The following ARSG variants were observed in gnomAD, a reference collection of about 807,000 sequenced individuals.
ARSG encodes arylsulfatase G.
A neutral mutation model predicts 50.5 loss-of-function variants in ARSG; 37 were observed. That is an observed-to-expected ratio of 0.73 (90% CI 0.56 to 0.96). ARSG has a LOEUF of 0.96. Ranked by LOEUF, ARSG falls within the 50% of genes least tolerant of loss-of-function variation. The pLI is 0.00. For synonymous variants in ARSG, 225 were observed against 254.6 expected (o/e 0.88, Z 1.11); for missense variants, 629 against 675.3 (o/e 0.93, Z 0.76).
intron 1 of ARSG, among the ~76,000 whole-genome samples, chr17:68,294,115 A>G (rs1415431763): frequency 1.3e-5 from 2 of 152,184 alleles, no homozygotes; most frequent in Admixed American, 1.3e-4. Flanking sequence ...TGAAGGGCTC[A>G]GCTCCCCTCT....
At chr17:68,365,648 C>T (rs1409198531) in intron 6 of ARSG, among the ~76,000 whole-genome samples, 1 of 152,182 alleles carries the variant, frequency 6.6e-6, no homozygotes, top group African/African-American at 2.4e-5. Flanking sequence ...CCACCCCTCG[C>T]CCATACACAT....
chr17:68,413,748 G>C (rs2082169866), intron 11 of ARSG: 1 of 160,150 alleles, frequency 6.2e-6, no homozygotes, highest in African/African-American at 2.4e-5. Context: ...TCAGACTGCT[G>C]TGCTAGCAAT....
intron 1 of ARSG, among the ~76,000 whole-genome samples, chr17:68,306,151 C>T (rs771440350): frequency 1.3e-4 from 20 of 151,932 alleles, no homozygotes; most frequent in Non-Finnish European, 2.2e-4. Flanking sequence ...TGCAGGCATA[C>T]GCCACCATGC....
chr17:68,362,203 C>G (rs983693628), intron 6 of ARSG, among the ~76,000 whole-genome samples: 3 of 151,970 alleles, frequency 2.0e-5, no homozygotes, highest in African/African-American at 7.3e-5. Context: ...CCATGCTTGC[C>G]TAAGTGCCCC....
intron 9 of ARSG, among the ~76,000 whole-genome samples, chr17:68,394,821 G>GA (rs1487910726): frequency 7.9e-5 from 12 of 152,320 alleles, no homozygotes; most frequent in African/African-American, 2.9e-4. Flanking sequence ...ATATGTGGCA[G>GA]AGCTGGGATT....
the ARSG span, among the ~76,000 whole-genome samples, chr17:68,432,572 G>T: frequency 3.3e-5 from 5 of 152,136 alleles, no homozygotes; most frequent in Non-Finnish European, 7.4e-5. Flanking sequence ...CCCGGCCTCT[G>T]TCATGTATGT....
chr17:68,429,394 G>A, the ARSG span, among the ~76,000 whole-genome samples: 4 of 152,104 alleles, frequency 2.6e-5, no homozygotes, highest in Non-Finnish European at 5.9e-5. Context: ...AGCCCCATAG[G>A]AGTCCGAACC....
At chr17:68,306,496 G>A (rs1025361920) in intron 1 of ARSG, among the ~76,000 whole-genome samples, 1 of 152,218 alleles carries the variant, frequency 6.6e-6, no homozygotes, top group East Asian at 1.9e-4. Context: ...TTCAAGACTG[G>A]CCTAGGCAAC....
At chr17:68,315,853 G>T (rs1234882356) in intron 2 of ARSG, among the ~76,000 whole-genome samples, 2 of 152,058 alleles carry the variant, frequency 1.3e-5, no homozygotes, top group African/African-American at 4.8e-5. Flanking sequence ...GGCTGATCTT[G>T]AACTCGACCT....
At chr17:68,366,588 G>A (rs1283511043) in intron 6 of ARSG, among the ~76,000 whole-genome samples, 1 of 152,096 alleles carries the variant, frequency 6.6e-6, no homozygotes, top group Non-Finnish European at 1.5e-5. Context: ...AGGCAAGAAT[G>A]GAGATGTTTT....
intron 10 of ARSG, chr17:68,400,287 C>A (rs1450936161): frequency 6.6e-6 from 1 of 152,222 alleles, no homozygotes; most frequent in Non-Finnish European, 1.5e-5. Context: ...CCTCGAGAAC[C>A]CTGATTTAGG....
At chr17:68,397,989 A>G (rs1243236394) in intron 10 of ARSG, among the ~76,000 whole-genome samples, 1 of 151,732 alleles carries the variant, frequency 6.6e-6, no homozygotes, top group East Asian at 1.9e-4. Flanking sequence ...CTGGTGTCAA[A>G]CTCCTGACCT....
chr17:68,395,048 C>G, intron 9 of ARSG, 25 bp from the exon 10 acceptor site: 10 of 1,612,858 alleles, frequency 6.2e-6, no homozygotes, highest in Non-Finnish European at 8.5e-6. Context: ...GAGCTGGGGA[C>G]AACTCAGTCT....
intron 11 of ARSG, among the ~76,000 whole-genome samples, chr17:68,405,041 G>T (rs1423309545): frequency 6.7e-6 from 1 of 149,622 alleles, no homozygotes; most frequent in Non-Finnish European, 1.5e-5. Context: ...TTAGTTATAT[G>T]TCTATGTTTA....
intron 4 of ARSG, 84 bp downstream of exon 4, chr17:68,347,256 C>A: frequency 6.7e-7 from 1 of 1,489,780 alleles, no homozygotes. Context: ...CTAAGCCATC[C>A]TGTCTCTGGG....
At chr17:68,280,468 A>G (rs1342268502) in intron 1 of ARSG, among the ~76,000 whole-genome samples, 2 of 152,170 alleles carry the variant, frequency 1.3e-5, no homozygotes, top group African/African-American at 4.8e-5. Context: ...CAGAAGAGAG[A>G]ACCCTGAAAT....
the ARSG span, chr17:68,430,023 C>A: frequency 1.9e-6 from 3 of 1,614,066 alleles, no homozygotes; most frequent in Middle Eastern, 3.3e-4. Context: ...GTTCCTCTGT[C>A]CGGAGAAGTT....
At chr17:68,309,150 C>T (rs1346386445) in intron 2 of ARSG, among the ~76,000 whole-genome samples, 8 of 152,232 alleles carry the variant, frequency 5.3e-5, no homozygotes, top group South Asian at 4.1e-4. Context: ...GCTGCTGGCC[C>T]GGGTTCTAAG....
chr17:68,396,956 G>A (rs758563794), intron 10 of ARSG, among the ~76,000 whole-genome samples: 4 of 152,198 alleles, frequency 2.6e-5, no homozygotes, highest in Admixed American at 6.5e-5. Flanking sequence ...TGTCACAGAC[G>A]TCATTGGAGA....
Sources: gnomAD v4.1 joint callset for allele counts (sites outside exome capture counted in the v4.1 genomes callset) on GRCh38, gnomAD v4.1.1 for gene constraint, MANE v1.5 for transcripts, NCBI Gene and HGNC (gene_info 2026-07-23, HGNC 2026-07-21) for gene names.